Variants in DACH2 observed in about 807,000 individuals in gnomAD.
The protein encoded by DACH2 is dachshund homolog 2.
In DACH2, 17 loss-of-function variants were observed where a neutral mutation model predicts 35.8. The observed-to-expected ratio is 0.48, with a 90% CI of 0.33 to 0.71. DACH2 has a LOEUF of 0.71. Among genes scored for constraint, DACH2 ranks in the 30% least tolerant of loss-of-function variants. The pLI, the probability that DACH2 is intolerant of heterozygous loss-of-function variation, is 0.02. For synonymous variants in DACH2, 195 were observed against 177.3 expected, an observed-to-expected ratio of 1.10 and a Z score of -0.79; for missense variants, 469 against 472.7, an observed-to-expected ratio of 0.99 and a Z score of 0.07.
chrX:86,756,814 C>T (rs891653037), intron 7 of DACH2, among the ~76,000 whole-genome samples: 4 of 111,426 alleles, frequency 3.6e-5, no homozygotes, highest in African/African-American at 6.5e-5. Context: ...CTTATTCCAG[C>T]TCATAGAGGA....
At chrX:86,185,975 A>G (rs1166440469) in intron 1 of DACH2, among the ~76,000 whole-genome samples, 1 of 112,364 alleles carries the variant, frequency 8.9e-6, no homozygotes, top group African/African-American at 3.2e-5. Flanking sequence ...TCATTGCTCA[A>G]TTTAGTCCTC....
chrX:86,152,881 G>A (rs1447863548), intron 1 of DACH2, among the ~76,000 whole-genome samples: 2 of 111,705 alleles, frequency 1.8e-5, no homozygotes, highest in South Asian at 3.7e-4. Context: ...ATACCAGAGA[G>A]AACAGGCAGG....
At chrX:86,404,995 C>T (rs1338947803) in intron 2 of DACH2, among the ~76,000 whole-genome samples, 1 of 112,137 alleles carries the variant, frequency 8.9e-6, no homozygotes, top group Non-Finnish European at 1.9e-5. Context: ...CTACGTTGTC[C>T]CCTTTTAGCC....
At chrX:86,451,165 G>A (rs751102996) in intron 2 of DACH2, among the ~76,000 whole-genome samples, 4 of 111,181 alleles carry the variant, frequency 3.6e-5, no homozygotes, top group African/African-American at 9.8e-5. Context: ...GAATATTATT[G>A]CCTAGATTTT....
chrX:86,607,019 G>T (rs1329180677), intron 3 of DACH2, among the ~76,000 whole-genome samples: 1 of 111,414 alleles, frequency 9.0e-6, no homozygotes, highest in Non-Finnish European at 1.9e-5. Context: ...AGCAATGTTT[G>T]CTTTTTATGG....
chrX:86,789,653 C>T (rs2042169563), intron 7 of DACH2, among the ~76,000 whole-genome samples: 1 of 111,598 alleles, frequency 9.0e-6, no homozygotes. Flanking sequence ...ATAGCTCTAC[C>T]TTGGTTCTAA....
chrX:86,202,969 A>C (rs747153896), intron 1 of DACH2, among the ~76,000 whole-genome samples: 1 of 111,228 alleles, frequency 9.0e-6, no homozygotes, highest in African/African-American at 3.3e-5. Flanking sequence ...CATATTAATA[A>C]TATTATCATA....
chrX:86,803,632 C>G, intron 7 of DACH2, among the ~76,000 whole-genome samples: 1 of 110,575 alleles, frequency 9.0e-6, no homozygotes, highest in Middle Eastern at 4.9e-3. Flanking sequence ...TATCAAATAT[C>G]ATTGCATATG....
chrX:86,725,672 G>T (rs993651529), intron 6 of DACH2, among the ~76,000 whole-genome samples: 1 of 111,191 alleles, frequency 9.0e-6, no homozygotes, highest in East Asian at 2.9e-4. Flanking sequence ...TGGCAGTGGT[G>T]GGCCATGCAT....
intron 3 of DACH2, among the ~76,000 whole-genome samples, chrX:86,644,291 G>A (rs1206874523): frequency 9.0e-6 from 1 of 111,449 alleles, no homozygotes; most frequent in Non-Finnish European, 1.9e-5. Context: ...GCCAAACTGA[G>A]AGCCAAGTCA....
chrX:86,509,564 CA>C (rs2038369195), intron 2 of DACH2, among the ~76,000 whole-genome samples: 1 of 111,448 alleles, frequency 9.0e-6, no homozygotes, highest in African/African-American at 3.3e-5. Flanking sequence ...GCTGTGAGGT[CA>C]GAGTTTGTTT....
intron 4 of DACH2, among the ~76,000 whole-genome samples, chrX:86,663,000 G>T (rs1324376024): frequency 1.8e-5 from 2 of 111,318 alleles, no homozygotes; most frequent in African/African-American, 3.3e-5. Flanking sequence ...ATCAAAAATT[G>T]TACTATAAAT....
chrX:86,413,581 C>A (rs1218182959), intron 2 of DACH2, among the ~76,000 whole-genome samples: 1 of 111,714 alleles, frequency 9.0e-6, no homozygotes, highest in Non-Finnish European at 1.9e-5. Flanking sequence ...TGGGAATCAC[C>A]ACCCCTGTTT....
At chrX:86,176,660 T>G (rs977570983) in intron 1 of DACH2, among the ~76,000 whole-genome samples, 3 of 112,243 alleles carry the variant, frequency 2.7e-5, no homozygotes, top group African/African-American at 9.7e-5. Flanking sequence ...GGTATTGTTT[T>G]CAAACTAATC....
intron 3 of DACH2, among the ~76,000 whole-genome samples, chrX:86,647,182 A>G (rs1303288970): frequency 9.1e-6 from 1 of 110,481 alleles, no homozygotes; most frequent in Non-Finnish European, 1.9e-5. Flanking sequence ...CTGAATATAT[A>G]TGAGGTAAAA....
intron 4 of DACH2, among the ~76,000 whole-genome samples, chrX:86,683,361 T>C (rs2040904539): frequency 9.0e-6 from 1 of 111,630 alleles, no homozygotes; most frequent in Non-Finnish European, 1.9e-5. Context: ...GCCATCTGCT[T>C]CTGCTTTCTC....
At chrX:86,777,267 A>G (rs1206775121) in intron 7 of DACH2, among the ~76,000 whole-genome samples, 2 of 110,450 alleles carry the variant, frequency 1.8e-5, no homozygotes, top group African/African-American at 6.6e-5. Flanking sequence ...TGACTTTTTA[A>G]TGATCGCCAT....
intron 3 of DACH2, among the ~76,000 whole-genome samples, chrX:86,608,377 G>T (rs927607504): frequency 8.1e-5 from 9 of 111,696 alleles, no homozygotes; most frequent in African/African-American, 2.6e-4. Context: ...CAGGGATCTA[G>T]AACTAGAAAT....
intron 7 of DACH2, among the ~76,000 whole-genome samples, chrX:86,774,980 C>T (rs763033187): frequency 8.1e-5 from 9 of 111,179 alleles, no homozygotes; most frequent in Non-Finnish European, 1.5e-4. Flanking sequence ...TCCATGTATG[C>T]GCTGTTCTAG....
Sources: gnomAD v4.1 joint callset for allele counts (sites outside exome capture counted in the v4.1 genomes callset) on GRCh38, gnomAD v4.1.1 for gene constraint, MANE v1.5 for transcripts, NCBI Gene and HGNC (gene_info 2026-07-23, HGNC 2026-07-21) for gene names.